Variants in EFNB2 observed in about 807,000 individuals in gnomAD.
EFNB2 encodes ephrin-B2.
In EFNB2, 5 loss-of-function variants were observed where a neutral mutation model predicts 32.1. That is an observed-to-expected ratio of 0.16 (90% CI 0.08 to 0.33). The LOEUF is 0.33. Ranked by LOEUF, EFNB2 falls within the 10% of genes least tolerant of loss-of-function variation. The pLI is 1.00. For synonymous variants in EFNB2, 168 were observed against 166.5 expected, an observed-to-expected ratio of 1.01 and a Z score of -0.07; for missense variants, 263 against 422.6, an observed-to-expected ratio of 0.62 and a Z score of 3.31.
intron 2 of EFNB2, among the ~76,000 whole-genome samples, chr13:106,502,599 T>TG (rs2138908885): frequency 6.6e-6 from 1 of 152,318 alleles, no homozygotes; most frequent in Non-Finnish European, 1.5e-5. Context: ...CATCATGCTA[T>TG]GCGAGGCTTG....
intron 1 of EFNB2, among the ~76,000 whole-genome samples, chr13:106,530,585 T>A (rs1285279300): frequency 6.6e-6 from 1 of 152,176 alleles, no homozygotes; most frequent in Non-Finnish European, 1.5e-5. Context: ...AAGAATGAAG[T>A]TCTCATAAAA....
At chr13:106,497,096 C>A (rs1165251932) in intron 2 of EFNB2, among the ~76,000 whole-genome samples, 1 of 152,280 alleles carries the variant, frequency 6.6e-6, no homozygotes, top group Non-Finnish European at 1.5e-5. Context: ...AGTAGGTCAG[C>A]AAACAAGTTC....
At chr13:106,533,114 C>A (rs1594181056) in intron 1 of EFNB2, among the ~76,000 whole-genome samples, 2 of 125,838 alleles carry the variant, frequency 1.6e-5, no homozygotes, top group Non-Finnish European at 3.4e-5. Flanking sequence ...AAAAAAAAAA[C>A]AGCCTCAAAG....
chr13:106,524,716 C>G (rs1594176722), intron 1 of EFNB2, among the ~76,000 whole-genome samples: 1 of 152,194 alleles, frequency 6.6e-6, no homozygotes, highest in African/African-American at 2.4e-5. Context: ...GTACTCTCTA[C>G]TAGAATATAC....
intron 1 of EFNB2, among the ~76,000 whole-genome samples, chr13:106,514,966 C>A (rs913355029): frequency 1.3e-5 from 2 of 152,188 alleles, no homozygotes; most frequent in African/African-American, 4.8e-5. Context: ...CCACATTACA[C>A]CCTATGTCTC....
At position 106,534,931 on chromosome 13, in the gene EFNB2, A is replaced by C; in HGVS notation, c.34T>G (p.Cys12Gly). 6.2e-7 allele frequency: 1 copy of C among 1,613,610 alleles called. No individual in the cohort carries two copies. Among genetic ancestry groups the C allele is most frequent in the Non-Finnish European group, 8.5e-7 (1 of 1,179,716 alleles). ...AVRRDSVWKYCWGVLMVLCRT... is the reference protein window; with the variant it reads ...AVRRDSVWKYGWGVLMVLCRT... Reference sequence around the variant, plus strand: ...CATAAAACCATCAAAACACCCCAGCAGTACTTCCACACGGAGTCCCTTCTC... The same window carrying C: ...CATAAAACCATCAAAACACCCCAGCCGTACTTCCACACGGAGTCCCTTCTC... Residue 12 changes from cysteine to glycine, a missense_variant, in exon 1 of 5, where the codon TGC (cysteine) becomes GGC (glycine). Around this residue, in one of 3 missense-constraint regions of EFNB2, gnomAD observed 46 missense variants for 56.9 expected, o/e 0.81. Coordinates refer to ENST00000646441, the MANE Select transcript of EFNB2 (RefSeq NM_004093.4).
chr13:106,511,504 G>A (rs1879140518), intron 2 of EFNB2, among the ~76,000 whole-genome samples: 1 of 152,084 alleles, frequency 6.6e-6, no homozygotes, highest in Admixed American at 6.6e-5. Context: ...TAACAATAAA[G>A]TGCGGCTCAT....
chr13:106,513,623 C>T (rs1879218316), intron 1 of EFNB2, among the ~76,000 whole-genome samples: 1 of 152,158 alleles, frequency 6.6e-6, no homozygotes, highest in African/African-American at 2.4e-5. Context: ...CTCCCTCCTC[C>T]CTTTCCTCTT....
intron 2 of EFNB2, among the ~76,000 whole-genome samples, chr13:106,503,988 C>T (rs1229663454): frequency 6.6e-6 from 1 of 152,128 alleles, no homozygotes; most frequent in Non-Finnish European, 1.5e-5. Context: ...TGAAACTTCC[C>T]AGGGAAGGGA....
At chr13:106,494,102 T>C (rs1459370102) in intron 4 of EFNB2, among the ~76,000 whole-genome samples, 1 of 152,236 alleles carries the variant, frequency 6.6e-6, no homozygotes, top group Non-Finnish European at 1.5e-5. Context: ...TCACAAGAAT[T>C]TGACACATCT....
intron 1 of EFNB2, chr13:106,517,220 T>G (rs1222978156): frequency 1.3e-5 from 2 of 152,248 alleles, no homozygotes; most frequent in Non-Finnish European, 2.9e-5. Flanking sequence ...CTTTCCATTA[T>G]GGATGCCAAA....
intron 2 of EFNB2, among the ~76,000 whole-genome samples, chr13:106,511,737 C>T (rs570951018): frequency 7.2e-5 from 11 of 152,240 alleles, no homozygotes; most frequent in African/African-American, 2.2e-4. Context: ...ATGACGCGAA[C>T]AGCTGTCTGA....
intron 2 of EFNB2, among the ~76,000 whole-genome samples, chr13:106,507,411 A>G (rs1435419026): frequency 1.3e-5 from 2 of 152,198 alleles, no homozygotes; most frequent in African/African-American, 4.8e-5. Context: ...CACCCCAGAA[A>G]TAAGTAAATC....
intron 1 of EFNB2, chr13:106,516,833 AC>A: frequency 6.6e-6 from 1 of 152,222 alleles, no homozygotes; most frequent in Non-Finnish European, 1.5e-5. Flanking sequence ...GAAGAAACAG[AC>A]CAGCTACATG....
Position 106,506,222 on chromosome 13 carries a change from A to G in EFNB2, c.406+6307T>C, listed in dbSNP as rs545586689. 7 of 152,354 alleles carry G rather than the reference A, an allele frequency of 4.6e-5. No individual in the cohort carries two copies. In the East Asian group the frequency reaches 1.3e-3, roughly 29 times the overall value. 9.4% of individuals were successfully genotyped at this position (152,354 alleles called of 1,614,324 possible). On this transcript the variant is annotated intron_variant, in intron 2 of 4. Transcript: ENST00000646441. ...CTGATCTACTTTCCCAGCTAGCCTC[A>G]GTGATAACGCAACCCTGACACATTT...
chr13:106,501,661 T>C (rs994052227), intron 2 of EFNB2, among the ~76,000 whole-genome samples: 9 of 151,972 alleles, frequency 5.9e-5, no homozygotes, highest in Non-Finnish European at 1.2e-4. Context: ...GGTGTGATCT[T>C]GGCTCACCAC....
chr13:106,496,694 GC>G (rs1878603908), intron 2 of EFNB2, among the ~76,000 whole-genome samples: 2 of 139,866 alleles, frequency 1.4e-5, no homozygotes, highest in Non-Finnish European at 3.2e-5. Context: ...ACCATTTTCA[GC>G]ATTTTTTTTT....
chr13:106,533,425 A>T (rs993189381), intron 1 of EFNB2, among the ~76,000 whole-genome samples: 1 of 152,238 alleles, frequency 6.6e-6, no homozygotes, highest in Non-Finnish European at 1.5e-5. Context: ...TTACATTAAA[A>T]ATATAATCCA....
At chr13:106,509,938 C>T (rs1315553890) in intron 2 of EFNB2, 2 of 152,208 alleles carry the variant, frequency 1.3e-5, no homozygotes, top group Admixed American at 1.3e-4. Context: ...TTCAACTCTG[C>T]TGAAAGTCTC....
Sources: gnomAD v4.1 joint callset for allele counts (sites outside exome capture counted in the v4.1 genomes callset) on GRCh38, gnomAD v4.1.1 for gene constraint, gnomAD v4.1.1 regional missense constraint, MANE v1.5 for transcripts, NCBI Gene and HGNC (gene_info 2026-07-23, HGNC 2026-07-21) for gene names.